The following DKKL1 variants were observed in gnomAD, a reference collection of about 807,000 sequenced individuals.
DKKL1 encodes the protein dickkopf-like protein 1.
In DKKL1, 11 loss-of-function variants were observed where a neutral mutation model predicts 16.5. The observed-to-expected ratio is 0.67, with a 90% CI of 0.42 to 1.10. The LOEUF is 1.10. DKKL1 is among the 50% of genes least tolerant of loss of function. DKKL1 has a pLI of 0.00. For synonymous variants in DKKL1, 119 were observed against 133.2 expected, an observed-to-expected ratio of 0.89 and a Z score of 0.73; for missense variants, 320 against 308.1, an observed-to-expected ratio of 1.04 and a Z score of -0.29.
At chr19:49,370,357 T>C (rs954601071) in intron 4 of DKKL1, 6 of 151,792 alleles carry the variant, frequency 4.0e-5, no homozygotes, top group African/African-American at 1.2e-4. Flanking sequence ...GATGCCTCAC[T>C]GGACTTGAAG....
chr19:49,363,692 AGGGAATGAACTCAC>A (rs1456530411), upstream of DKKL1: 1 of 456,060 alleles, frequency 2.2e-6, no homozygotes, highest in African/African-American at 2.0e-5. Flanking sequence ...GGGCGTGGCC[AGGGAATGAACTCAC>A]GGCTCTGGCT....
chr19:49,375,070 C>A lies in DKKL1; in HGVS notation c.*42C>A. The A allele has an allele frequency of 1.3e-6, 2 of 1,543,280 alleles. No homozygotes were observed. Among genetic ancestry groups the A allele is most frequent in the Non-Finnish European group, 1.7e-6 (2 of 1,146,046 alleles). The stretch of plus-strand genomic sequence containing the variant: ...GCACCTGCCTGTAGCCCCCATCAGA[C>A]CCTGCCCCAAGCACCATATGGAAAT... On this transcript the variant is annotated 3_prime_UTR_variant, in exon 5 of 5. Coordinates refer to ENST00000221498, the MANE Select transcript of DKKL1 (RefSeq NM_014419.4).
At chr19:49,373,256 T>C (rs1169899743) in intron 4 of DKKL1, among the ~76,000 whole-genome samples, 1 of 149,242 alleles carries the variant, frequency 6.7e-6, no homozygotes, top group African/African-American at 2.5e-5. Flanking sequence ...TGAGCCGAGA[T>C]TGTGCCACTG....
At chr19:49,365,941 T>C in intron 4 of DKKL1, 56 bp downstream of exon 4, 1 of 1,538,852 alleles carries the variant, frequency 6.5e-7, no homozygotes, top group Non-Finnish European at 8.9e-7. Flanking sequence ...CTTTTTTTCT[T>C]TTTTAAAGAA....
Position 49,365,719 on chromosome 19 carries a change from A to G in DKKL1, c.324+70A>G, listed in dbSNP as rs558186831. 37 of 1,599,332 alleles carry G rather than the reference A, an allele frequency of 2.3e-5. No individual in the cohort carries two copies. The East Asian group carries it at 8.1e-4, about 35-fold the overall frequency. ...TCCATCCCGCCATCCCTCGTGCTGCAGTATCTGTTGGGAGGGAAGGAGGGC... is the reference window on the plus strand; with the variant it reads ...TCCATCCCGCCATCCCTCGTGCTGCGGTATCTGTTGGGAGGGAAGGAGGGC... On this transcript the variant is annotated intron_variant, in intron 3 of 4. Coordinates refer to ENST00000221498, the MANE Select transcript of DKKL1 (RefSeq NM_014419.4).
At chr19:49,366,510 G>C (rs1973255847) in intron 4 of DKKL1, among the ~76,000 whole-genome samples, 1 of 151,872 alleles carries the variant, frequency 6.6e-6, no homozygotes, top group African/African-American at 2.4e-5. Flanking sequence ...AACCAAGAAG[G>C]GTTTTTAATT....
upstream of DKKL1, among the ~76,000 whole-genome samples, chr19:49,362,919 G>GTTGTTGTTTT (rs1568588572): frequency 7.7e-6 from 1 of 130,258 alleles, no homozygotes; most frequent in Non-Finnish European, 1.6e-5. Flanking sequence ...TGGTTTTTTT[G>GTTGTTGTTTT]TTTTTTGTTT....
At chr19:49,361,159 G>A (rs112186181), upstream of DKKL1, among the ~76,000 whole-genome samples, 22,113 of 99,686 alleles carry the variant, frequency 0.22, 3,113 homozygotes, top group African/African-American at 0.25. Context: ...AGAGACCGGG[G>A]GGGGGGGACA....
rs1261719858 is a variant in DKKL1 at position 49,367,109 on chromosome 19, C to G, written c.417+1224C>G. On this transcript the variant is annotated intron_variant, in intron 4 of 4. Coordinates refer to ENST00000221498, the MANE Select transcript of DKKL1 (RefSeq NM_014419.4). ...TGGCACAATCTCAGCTCACTGCAAC[C>G]TCCGCCACTGAGGTTCAAGTGATTC... Among the ~76,000 whole-genome samples, 6 of 152,208 alleles carry G rather than the reference C, an allele frequency of 3.9e-5. No individual in the cohort carries two copies. In the East Asian group the frequency reaches 1.2e-3, roughly 29 times the overall value.
chr19:49,372,675 C>CA (rs1428074621), intron 4 of DKKL1, among the ~76,000 whole-genome samples: 1 of 140,492 alleles, frequency 7.1e-6, no homozygotes, highest in East Asian at 2.1e-4. Flanking sequence ...GCCTGGGCGA[C>CA]AGAGCGAGAC....
At chr19:49,365,369 T>C (rs904860265) in intron 2 of DKKL1, 140 bp from the exon 3 acceptor site, 4 of 1,019,816 alleles carry the variant, frequency 3.9e-6, no homozygotes, top group East Asian at 2.8e-5. Flanking sequence ...GGTTAGGCCC[T>C]AAGTATCAGA....
At chr19:49,367,406 C>CT (rs10648468) in intron 4 of DKKL1, among the ~76,000 whole-genome samples, 5,860 of 131,768 alleles carry the variant, frequency 0.044, 437 homozygotes, top group African/African-American at 0.14. Flanking sequence ...CTTTGGTAAA[C>CT]TTTTTTTTTT....
chr19:49,365,370 A>T, intron 2 of DKKL1, 139 bp from the exon 3 acceptor site: 1 of 995,976 alleles, frequency 1.0e-6, no homozygotes, highest in Non-Finnish European at 1.4e-6. Context: ...GTTAGGCCCT[A>T]AGTATCAGAG....
In DKKL1 at chr19:49,374,877, A is replaced by G. The variant is rs1555788876; in HGVS notation, c.578A>G (p.Lys193Arg). 6.2e-7 allele frequency: 1 copy of G among 1,613,976 alleles called. No homozygotes were observed. Among genetic ancestry groups the G allele is most frequent in the East Asian group, 2.2e-5 (1 of 44,872 alleles). ...ALEGGHWLSEKRHRLQAIRDG... is the reference protein window; with the variant it reads ...ALEGGHWLSERRHRLQAIRDG... ...GAGGGCGGCCACTGGCTCAGCGAGA[A>G]GCGACACCGCCTGCAGGCCATCCGG... is the stretch of plus-strand genomic sequence containing the variant. Residue 193 changes from lysine (K) to arginine (R), a missense_variant, in exon 5 of 5, where the codon AAG (lysine) becomes AGG (arginine). Coordinates refer to ENST00000221498, the MANE Select transcript of DKKL1 (RefSeq NM_014419.4).
upstream of DKKL1, among the ~76,000 whole-genome samples, chr19:49,360,609 G>A (rs1201259964): frequency 6.6e-6 from 1 of 152,132 alleles, no homozygotes; most frequent in Non-Finnish European, 1.5e-5. Context: ...AAAGTTAGTG[G>A]TGGGGAAGGA....
In DKKL1 at chr19:49,372,448, C is replaced by T. The variant is rs551478170; in HGVS notation, c.418-2269C>T. Among the ~76,000 whole-genome samples the T allele has an allele frequency of 6.6e-5, 10 of 152,236 alleles. No individual in the cohort carries two copies. In the South Asian group the frequency reaches 2.1e-3, roughly 32 times the overall value. On this transcript the variant is annotated intron_variant, in intron 4 of 4. Transcript: ENST00000221498. The stretch of plus-strand genomic sequence containing the variant: ...GTGGCTCACACCTGTAATCCCAGCA[C>T]TTTGGGAGACCGAGGCAGGCAGATC...
intron 1 of DKKL1, 98 bp downstream of exon 1, chr19:49,364,106 T>C (rs965082018): frequency 6.6e-7 from 1 of 1,520,790 alleles, no homozygotes; most frequent in Non-Finnish European, 9.0e-7. Flanking sequence ...TCCCAACACT[T>C]TGGGAGGCCC....
upstream of DKKL1, chr19:49,363,698 T>C (rs993963119): frequency 4.3e-6 from 2 of 468,712 alleles, no homozygotes; most frequent in Middle Eastern, 6.1e-4. Flanking sequence ...GGCCAGGGAA[T>C]GAACTCACGG....
At chr19:49,374,653 G>A in intron 4 of DKKL1, 64 bp from the exon 5 acceptor site, 3 of 1,447,900 alleles carry the variant, frequency 2.1e-6, no homozygotes, top group Non-Finnish European at 2.8e-6. Flanking sequence ...ATAGGTCAGT[G>A]GGGACTGACC....
Sources: allele counts gnomAD v4.1 joint callset (sites outside exome capture counted in the v4.1 genomes callset), GRCh38; gene constraint gnomAD v4.1.1; transcripts MANE v1.5; gene names NCBI Gene and HGNC (gene_info 2026-07-23, HGNC 2026-07-21).